The following CTNND1 variants were observed in gnomAD, a reference collection of about 807,000 sequenced individuals.
CTNND1 encodes catenin delta 1, also known as catenin delta-1.
CTNND1 carries 16 observed loss-of-function variants against 112.1 expected under a neutral mutation model. The ratio of observed to expected loss-of-function variants is 0.14; its 90% CI spans 0.10 to 0.22. CTNND1 has a LOEUF of 0.22. Ranked by LOEUF, CTNND1 falls within the 10% of genes least tolerant of loss-of-function variation. The pLI, the probability that CTNND1 is intolerant of heterozygous loss-of-function variation, is 1.00. For synonymous variants in CTNND1, 420 were observed against 446.5 expected (o/e 0.94, Z 0.75); for missense variants, 1,008 against 1,257.0 (o/e 0.80, Z 3.00).
At position 57,809,365 on chromosome 11, in the gene CTNND1, T is replaced by C. The variant is rs778793375; in HGVS notation, c.2334T>C (p.Ile778=). Residue 778 remains isoleucine, a synonymous_variant, in exon 15 of 21, where the codon ATT becomes ATC. Coordinates refer to ENST00000399050, the MANE Select transcript of CTNND1 (RefSeq NM_001085458.2). ...WNFSEDTVIS[I]LNTINEVIAE... ...TCTCTGAGGACACTGTCATCTCTATTTTGAACACTATCAACGAGGTTATCG... is the reference window on the plus strand; with the variant it reads ...TCTCTGAGGACACTGTCATCTCTATCTTGAACACTATCAACGAGGTTATCG... 7 of 1,613,892 alleles carry C rather than the reference T, an allele frequency of 4.3e-6. No homozygotes were observed. The highest frequency in any genetic ancestry group is 5.9e-6 in the Non-Finnish European group (7 of 1,179,886).
chr11:57,814,434 T>A, intron 18 of CTNND1, 61 bp downstream of exon 18: 14 of 1,284,668 alleles, frequency 1.1e-5, no homozygotes, highest in Middle Eastern at 1.8e-4. Flanking sequence ...AGGAGAGCTG[T>A]CTAGCTCTAT....
At chr11:57,773,338 G>A (rs1416308364) in intron 1 of CTNND1, among the ~76,000 whole-genome samples, 1 of 151,990 alleles carries the variant, frequency 6.6e-6, no homozygotes, top group Non-Finnish European at 1.5e-5. Context: ...TCTATATGTT[G>A]CCCAGGCTGG....
chr11:57,807,953 ATTTG>A (rs1441775685), intron 12 of CTNND1, among the ~76,000 whole-genome samples: 1 of 152,088 alleles, frequency 6.6e-6, no homozygotes, highest in African/African-American at 2.4e-5. Context: ...ATGAGTTGAT[ATTTG>A]TTCTACTCTT....
At chr11:57,809,241 T>C (rs1240035694) in intron 14 of CTNND1, 33 bp from the exon 15 acceptor site, 2 of 1,548,484 alleles carry the variant, frequency 1.3e-6, no homozygotes, top group Non-Finnish European at 1.8e-6. Flanking sequence ...CCTGACTTGA[T>C]CTTTTCTCCC....
At chr11:57,770,466 A>C (rs994378238) in intron 1 of CTNND1, among the ~76,000 whole-genome samples, 5 of 152,094 alleles carry the variant, frequency 3.3e-5, no homozygotes, top group Non-Finnish European at 7.4e-5. Context: ...CATCCTGGCC[A>C]ACGTGGTGAA....
chr11:57,781,293 T>C (rs2059553299), intron 1 of CTNND1, among the ~76,000 whole-genome samples: 1 of 152,162 alleles, frequency 6.6e-6, no homozygotes, highest in African/African-American at 2.4e-5. Flanking sequence ...TGACCCCTAG[T>C]AAACTCTAAG....
At chr11:57,815,320 A>G (rs1242558024) in intron 18 of CTNND1, 74 bp from the exon 19 acceptor site, 7 of 839,222 alleles carry the variant, frequency 8.3e-6, no homozygotes, top group Non-Finnish European at 1.1e-5. Context: ...GCCTAATTAC[A>G]CCTATCTGTT....
At chr11:57,762,913 A>C (rs1031319436) in intron 1 of CTNND1, among the ~76,000 whole-genome samples, 1 of 152,244 alleles carries the variant, frequency 6.6e-6, no homozygotes, top group Non-Finnish European at 1.5e-5. Flanking sequence ...AAGTGGCAAC[A>C]TACCTGAAAA....
chr11:57,766,078 G>C (rs2135902383), intron 1 of CTNND1, among the ~76,000 whole-genome samples: 1 of 152,152 alleles, frequency 6.6e-6, no homozygotes, highest in South Asian at 2.1e-4. Flanking sequence ...CTCCAGACTG[G>C]GCTTGCAGAG....
At chr11:57,797,944 G>A (rs1259503535) in intron 6 of CTNND1, among the ~76,000 whole-genome samples, 4 of 151,754 alleles carry the variant, frequency 2.6e-5, no homozygotes, top group Non-Finnish European at 4.4e-5. Flanking sequence ...GCTGTTTCTG[G>A]CTAAGATGTG....
chr11:57,775,711 T>C (rs1322536940), intron 1 of CTNND1, among the ~76,000 whole-genome samples: 1 of 151,506 alleles, frequency 6.6e-6, no homozygotes, highest in Non-Finnish European at 1.5e-5. Flanking sequence ...CCTTCCTCCT[T>C]GGTTAACTCT....
In CTNND1 at chr11:57,795,716, G is replaced by A. The variant is rs867108561; in HGVS notation, c.407G>A (p.Arg136His). The change falls in exon 5 of 21, where the codon CGC becomes CAC. Residue 136 changes from arginine (R) to histidine (H), a missense_variant. Arg to His is a conservative substitution (Grantham distance 29, BLOSUM62 0). This residue lies in a region of CTNND1 where 404 missense variants were observed against 457.9 expected (regional missense o/e 0.88). Coordinates refer to ENST00000399050, the MANE Select transcript of CTNND1 (RefSeq NM_001085458.2). ...VETSDDGTTR[R>H]TETTVKKVVK... is the part of the protein sequence containing the mutation. Reference sequence around the variant, plus strand: ...ACCTCAGATGATGGGACCACTCGGCGCACAGAGACCACGGTAAACTAAGAC... The same window carrying A: ...ACCTCAGATGATGGGACCACTCGGCACACAGAGACCACGGTAAACTAAGAC... The A allele has an allele frequency of 1.4e-5, 22 of 1,597,144 alleles. No homozygotes were observed. Among genetic ancestry groups the A allele is most frequent in the Admixed American group, 3.6e-5 (2 of 55,026 alleles).
intron 1 of CTNND1, among the ~76,000 whole-genome samples, chr11:57,785,550 G>C (rs576786): frequency 7.9e-5 from 12 of 151,364 alleles, no homozygotes; most frequent in Non-Finnish European, 1.8e-4. Flanking sequence ...TGATTTTTTT[G>C]TGTGTGTGTG....
Position 57,816,477 on chromosome 11 carries a change from T to A in CTNND1, c.*169T>A, listed in dbSNP as rs2064001618. The A allele has an allele frequency of 1.4e-6, 1 of 735,712 alleles. No individual in the cohort carries two copies. The highest frequency in any genetic ancestry group is 3.8e-4 in the Middle Eastern group (1 of 2,610). 45.6% of individuals were successfully genotyped at this position (735,712 alleles called of 1,614,324 possible). ...TTCTTTCCATCAACTCCCAACTTCT[T>A]CCTGTGAAGTTTAATTGTCTCAACG... On this transcript the variant is annotated 3_prime_UTR_variant, in exon 21 of 21. Transcript: ENST00000399050.
intron 12 of CTNND1, among the ~76,000 whole-genome samples, chr11:57,807,963 C>T (rs1488812467): frequency 2.0e-5 from 3 of 152,170 alleles, no homozygotes; most frequent in Non-Finnish European, 4.4e-5. Flanking sequence ...ATTTGTTCTA[C>T]TCTTACCATG....
chr11:57,811,559 G>T, intron 17 of CTNND1, 73 bp downstream of exon 17: 4 of 965,674 alleles, frequency 4.1e-6, no homozygotes, highest in South Asian at 3.0e-5. Flanking sequence ...TAAGAAATAG[G>T]ATATATATTA....
chr11:57,789,209 A>G, intron 2 of CTNND1, 54 bp downstream of exon 2: 1 of 1,213,666 alleles, frequency 8.2e-7, no homozygotes, highest in Non-Finnish European at 1.1e-6. Flanking sequence ...TTTAAGAAAT[A>G]TGTATTTTTA....
In CTNND1 at chr11:57,798,960, T is replaced by C. The variant is rs371870913; in HGVS notation, c.956+1968T>C. The stretch of plus-strand genomic sequence containing the variant: ...AAATGATAAGAAACAAGGGATGATT[T>C]ATGGTTGTCTTGATGGTAAGGATAT... On this transcript the variant is annotated intron_variant, in intron 6 of 20. Transcript: ENST00000399050. Among the ~76,000 whole-genome samples, 52 of 152,316 alleles carry C rather than the reference T, an allele frequency of 3.4e-4. 1 individual carries two copies. The South Asian group carries it at 0.01, about 30-fold the overall frequency.
At chr11:57,776,610 C>A (rs1009496603) in intron 1 of CTNND1, among the ~76,000 whole-genome samples, 3 of 152,146 alleles carry the variant, frequency 2.0e-5, no homozygotes, top group Non-Finnish European at 4.4e-5. Flanking sequence ...AGGCTTTCTT[C>A]ATATCCATTC....
Sources: allele counts gnomAD v4.1 joint callset (sites outside exome capture counted in the v4.1 genomes callset), GRCh38; gene constraint gnomAD v4.1.1; regional missense constraint gnomAD v4.1.1; transcripts MANE v1.5; gene names NCBI Gene and HGNC (gene_info 2026-07-23, HGNC 2026-07-21).